KLF12: variants seen among roughly 807,000 people sequenced by gnomAD.
The protein encoded by KLF12 is Krueppel-like factor 12.
Under a neutral mutation model 37.8 loss-of-function variants are expected in KLF12, and 9 were observed. The observed-to-expected ratio is 0.24, with a 90% CI of 0.14 to 0.42. KLF12 has a LOEUF of 0.42. Among genes scored for constraint, KLF12 ranks in the 10% least tolerant of loss-of-function variants. The pLI is 1.00. For synonymous variants in KLF12, 208 were observed against 202.1 expected (o/e 1.03, Z -0.25); for missense variants, 411 against 516.0 (o/e 0.80, Z 1.97).
intron 3 of KLF12, among the ~76,000 whole-genome samples, chr13:73,924,550 C>T (rs1390890954): frequency 1.3e-5 from 2 of 152,130 alleles, no homozygotes; most frequent in Non-Finnish European, 2.9e-5. Flanking sequence ...ACCCACCAGC[C>T]ATTCCCCTAT....
chr13:73,810,982 C>CTTTTTTTTTTTTTTTT (rs376490803), intron 5 of KLF12, among the ~76,000 whole-genome samples: 1 of 44,808 alleles, frequency 2.2e-5, no homozygotes, highest in African/African-American at 8.4e-5. Flanking sequence ...ATTTTTCTTT[C>CTTTTTTTTTTTTTTTT]TTTTTTTTTT....
the KLF12 span, among the ~76,000 whole-genome samples, chr13:74,236,079 A>G: frequency 6.7e-5 from 10 of 148,494 alleles, no homozygotes; most frequent in African/African-American, 1.3e-4. Flanking sequence ...ATATCTCCCA[A>G]TGCTGTCCCT....
At chr13:74,176,042 C>T in the KLF12 span, among the ~76,000 whole-genome samples, 2 of 152,044 alleles carry the variant, frequency 1.3e-5, no homozygotes, top group African/African-American at 4.8e-5. Context: ...ACAAAAATTC[C>T]ATCATCTTAA....
chr13:73,963,427 A>G (rs2139474812), intron 2 of KLF12, among the ~76,000 whole-genome samples: 1 of 152,210 alleles, frequency 6.6e-6, no homozygotes, highest in African/African-American at 2.4e-5. Context: ...CATCGCAGGC[A>G]TTGAGACACA....
At chr13:74,276,379 A>C in the KLF12 span, among the ~76,000 whole-genome samples, 2 of 152,134 alleles carry the variant, frequency 1.3e-5, no homozygotes, top group Admixed American at 6.6e-5. Context: ...TCCCAAAGTC[A>C]TATAAATTGT....
chr13:73,994,965 C>A, intron 2 of KLF12, 25 bp downstream of exon 2: 1 of 1,488,894 alleles, frequency 6.7e-7, no homozygotes, highest in African/African-American at 1.4e-5. Flanking sequence ...ATTTTCAATG[C>A]AATTTTAACA....
chr13:73,869,924 A>C (rs773679089), intron 3 of KLF12, among the ~76,000 whole-genome samples: 6 of 152,190 alleles, frequency 3.9e-5, no homozygotes, highest in Non-Finnish European at 8.8e-5. Context: ...GAAGGCTCTG[A>C]GTAGAGCCAC....
At chr13:74,159,650 C>G in the KLF12 span, among the ~76,000 whole-genome samples, 1 of 152,176 alleles carries the variant, frequency 6.6e-6, no homozygotes, top group Admixed American at 6.5e-5. Context: ...CATTCAATTT[C>G]TTTCACTCTT....
At chr13:74,147,331 T>C in the KLF12 span, among the ~76,000 whole-genome samples, 9 of 152,104 alleles carry the variant, frequency 5.9e-5, no homozygotes, top group Admixed American at 2.0e-4. Flanking sequence ...AGAATGCTAA[T>C]AGGTGCTCCT....
intron 3 of KLF12, among the ~76,000 whole-genome samples, chr13:73,888,803 T>G (rs918052596): frequency 6.6e-6 from 1 of 152,196 alleles, no homozygotes; most frequent in Non-Finnish European, 1.5e-5. Context: ...ACTTGATTCT[T>G]TGCTCTATCT....
intron 3 of KLF12, among the ~76,000 whole-genome samples, chr13:73,936,189 G>A (rs1889916080): frequency 6.6e-6 from 1 of 152,162 alleles, no homozygotes; most frequent in African/African-American, 2.4e-5. Flanking sequence ...CAGACATTGT[G>A]ATTTTTACAT....
chr13:74,161,768 G>A, the KLF12 span, among the ~76,000 whole-genome samples: 2 of 152,144 alleles, frequency 1.3e-5, no homozygotes, highest in African/African-American at 4.8e-5. Context: ...TTTAGCAATT[G>A]AGTAGAGATT....
chr13:73,859,697 T>C (rs965117119), intron 3 of KLF12, among the ~76,000 whole-genome samples: 15 of 152,000 alleles, frequency 9.9e-5, no homozygotes, highest in African/African-American at 3.6e-4. Flanking sequence ...TTTAGAAAAA[T>C]AAGGACAACA....
the KLF12 span, among the ~76,000 whole-genome samples, chr13:74,153,698 C>T: frequency 6.6e-6 from 1 of 152,170 alleles, no homozygotes; most frequent in East Asian, 1.9e-4. Context: ...GTCAAAGCTT[C>T]TCTAGAACAC....
At chr13:73,793,387 ATTCATTAAAATGATCCCCAAACACTTCT>A (rs1881794993) in intron 5 of KLF12, among the ~76,000 whole-genome samples, 1 of 152,222 alleles carries the variant, frequency 6.6e-6, no homozygotes, top group South Asian at 2.1e-4. Context: ...AAAAATTAAA[ATTCATTAAAATGATCCCCAAACACTTCT>A]ATAAGACCTA....
At chr13:74,130,757 A>G (rs1019446279) in intron 1 of KLF12, among the ~76,000 whole-genome samples, 1 of 152,190 alleles carries the variant, frequency 6.6e-6, no homozygotes, top group African/African-American at 2.4e-5. Flanking sequence ...TGCAAGTGGC[A>G]AGCAGAAAAA....
At chr13:73,775,213 C>T (rs1022057809) in intron 5 of KLF12, among the ~76,000 whole-genome samples, 6 of 152,100 alleles carry the variant, frequency 3.9e-5, no homozygotes, top group Admixed American at 6.6e-5. Context: ...CCACTGTGCC[C>T]GGCCTATCAC....
At chr13:73,813,079 G>A (rs547340786) in intron 5 of KLF12, 73 bp downstream of exon 5, 4 of 1,504,286 alleles carry the variant, frequency 2.7e-6, no homozygotes, top group Admixed American at 1.7e-5. Context: ...TGGGGGACAG[G>A]AGATGCTGCA....
intron 7 of KLF12, among the ~76,000 whole-genome samples, chr13:73,697,309 A>G (rs1378634581): frequency 6.6e-6 from 1 of 152,214 alleles, no homozygotes; most frequent in Non-Finnish European, 1.5e-5. Flanking sequence ...CAGGCCTGTT[A>G]AATCTAGAAA....
Sources: allele counts gnomAD v4.1 joint callset (sites outside exome capture counted in the v4.1 genomes callset), GRCh38; gene constraint gnomAD v4.1.1; transcripts MANE v1.5; gene names NCBI Gene and HGNC (gene_info 2026-07-23, HGNC 2026-07-21).